Variants in PTPRD observed in about 807,000 individuals in gnomAD.
PTPRD encodes the protein protein tyrosine phosphatase receptor type D.
Under a neutral mutation model 214.5 loss-of-function variants are expected in PTPRD, and 34 were observed. The observed-to-expected ratio is 0.16, with a 90% CI of 0.12 to 0.21. The LOEUF (loss-of-function observed/expected upper bound fraction) is 0.21. Among genes scored for constraint, PTPRD ranks in the 10% least tolerant of loss-of-function variants. PTPRD has a pLI of 1.00. For synonymous variants in PTPRD, 1,128 were observed against 845.7 expected (o/e 1.33, Z -5.79); for missense variants, 2,545 against 2,398.7 (o/e 1.06, Z -1.27).
At chr9:9,744,099 A>T (rs1375122873) in intron 6 of PTPRD, among the ~76,000 whole-genome samples, 1 of 152,134 alleles carries the variant, frequency 6.6e-6, no homozygotes, top group Non-Finnish European at 1.5e-5. Flanking sequence ...TTCTTGCATG[A>T]ATACTTATTA....
At chr9:9,542,045 A>G (rs1388136071) in intron 8 of PTPRD, among the ~76,000 whole-genome samples, 2 of 151,828 alleles carry the variant, frequency 1.3e-5, no homozygotes, top group African/African-American at 2.4e-5. Flanking sequence ...GAGAAAACTA[A>G]AGTGAAAAAT....
intron 11 of PTPRD, among the ~76,000 whole-genome samples, chr9:8,998,576 A>T (rs565708940): frequency 6.6e-6 from 1 of 152,148 alleles, no homozygotes; most frequent in East Asian, 1.9e-4. Flanking sequence ...ATGTAAGGAG[A>T]TTAACACTGT....
chr9:10,034,315 C>A (rs1589372266), intron 3 of PTPRD, among the ~76,000 whole-genome samples: 1 of 151,712 alleles, frequency 6.6e-6, no homozygotes, highest in Non-Finnish European at 1.5e-5. Context: ...GATTATTTAA[C>A]CTCTATTCCT....
At chr9:8,993,618 G>A (rs9942952) in intron 11 of PTPRD, among the ~76,000 whole-genome samples, 67,641 of 151,792 alleles carry the variant, frequency 0.45, 15,964 homozygotes, top group East Asian at 0.71. Flanking sequence ...CAACTAAGAT[G>A]ATTATATTTT....
chr9:10,534,209 C>T (rs1590235153), intron 2 of PTPRD, among the ~76,000 whole-genome samples: 2 of 151,932 alleles, frequency 1.3e-5, no homozygotes, highest in Non-Finnish European at 2.9e-5. Context: ...ATCTTTTAAA[C>T]TTTAACATCA....
chr9:10,276,033 C>G (rs1441458823), intron 3 of PTPRD, among the ~76,000 whole-genome samples: 1 of 152,116 alleles, frequency 6.6e-6, no homozygotes, highest in African/African-American at 2.4e-5. Context: ...TCAGTTGGAC[C>G]TTAGTGACCC....
intron 5 of PTPRD, among the ~76,000 whole-genome samples, chr9:9,902,586 G>A (rs908328915): frequency 1.3e-5 from 2 of 152,148 alleles, no homozygotes; most frequent in Non-Finnish European, 2.9e-5. Flanking sequence ...AGCACATTTA[G>A]AAATGCACAC....
chr9:8,620,368 C>G (rs2095781186), intron 14 of PTPRD, among the ~76,000 whole-genome samples: 1 of 151,954 alleles, frequency 6.6e-6, no homozygotes, highest in East Asian at 1.9e-4. Flanking sequence ...AGACAGCATG[C>G]CGCTCATGGA....
intron 8 of PTPRD, among the ~76,000 whole-genome samples, chr9:9,490,238 C>T (rs570602471): frequency 6.6e-6 from 1 of 151,936 alleles, no homozygotes; most frequent in Admixed American, 6.6e-5. Flanking sequence ...ACTAAACCTA[C>T]CCTGCAAAAA....
intron 4 of PTPRD, among the ~76,000 whole-genome samples, chr9:10,025,336 G>C (rs2096903654): frequency 6.6e-6 from 1 of 152,174 alleles, no homozygotes; most frequent in Non-Finnish European, 1.5e-5. Context: ...ACTGGTGCGA[G>C]ATGGTATCTG....
intron 4 of PTPRD, among the ~76,000 whole-genome samples, chr9:10,009,358 A>G (rs1247121285): frequency 6.6e-6 from 1 of 151,978 alleles, no homozygotes; most frequent in Non-Finnish European, 1.5e-5. Context: ...GGAGACAGAC[A>G]GATATCAGTC....
intron 9 of PTPRD, among the ~76,000 whole-genome samples, chr9:9,253,507 A>G (rs2131689386): frequency 6.6e-6 from 1 of 152,150 alleles, no homozygotes; most frequent in African/African-American, 2.4e-5. Context: ...GTTTTTGAAA[A>G]AAAAAATATG....
intron 3 of PTPRD, among the ~76,000 whole-genome samples, chr9:10,320,719 C>CATTGATTT (rs1455487734): frequency 6.6e-6 from 1 of 151,788 alleles, no homozygotes; most frequent in East Asian, 2.0e-4. Flanking sequence ...TCCATTCATT[C>CATTGATTT]ATTGATTTTT....
chr9:10,485,693 T>C (rs929383797), intron 2 of PTPRD, among the ~76,000 whole-genome samples: 18 of 152,266 alleles, frequency 1.2e-4, no homozygotes, highest in African/African-American at 4.3e-4. Context: ...CTGCTGATTT[T>C]TGTGTGTTGA....
intron 10 of PTPRD, among the ~76,000 whole-genome samples, chr9:9,154,835 A>AT (rs1336528502): frequency 9.2e-5 from 14 of 152,170 alleles, no homozygotes; most frequent in Non-Finnish European, 1.3e-4. Context: ...CATTTCCTAT[A>AT]TTTTATACCA....
At chr9:8,514,838 G>A (rs564738637) in intron 21 of PTPRD, among the ~76,000 whole-genome samples, 1 of 152,270 alleles carries the variant, frequency 6.6e-6, no homozygotes, top group East Asian at 1.9e-4. Flanking sequence ...GAAGGGACCT[G>A]GTGGGAGGTG....
At chr9:9,678,240 A>T (rs2096977615) in intron 7 of PTPRD, among the ~76,000 whole-genome samples, 1 of 152,108 alleles carries the variant, frequency 6.6e-6, no homozygotes, top group East Asian at 1.9e-4. Context: ...TATGGAACCA[A>T]AAAAGAGTCC....
At chr9:10,106,532 A>G (rs1433108722) in intron 3 of PTPRD, among the ~76,000 whole-genome samples, 1 of 151,942 alleles carries the variant, frequency 6.6e-6, no homozygotes, top group Non-Finnish European at 1.5e-5. Flanking sequence ...GACACACAGA[A>G]AGTTCTAAAC....
intron 10 of PTPRD, among the ~76,000 whole-genome samples, chr9:9,069,797 A>C (rs1209177080): frequency 2.6e-5 from 4 of 152,206 alleles, no homozygotes; most frequent in Non-Finnish European, 5.9e-5. Context: ...ATACAAAACC[A>C]ATCCTAGCAG....
Sources: allele counts gnomAD v4.1 joint callset (sites outside exome capture counted in the v4.1 genomes callset), GRCh38; gene constraint gnomAD v4.1.1; transcripts MANE v1.5; gene names NCBI Gene and HGNC (gene_info 2026-07-23, HGNC 2026-07-21).